The following UTRN variants were observed in gnomAD, a reference collection of about 807,000 sequenced individuals.
UTRN encodes the protein dystrophin-related protein 1.
Under a neutral mutation model 463.9 loss-of-function variants are expected in UTRN, and 283 were observed. The observed-to-expected ratio is 0.61, with a 90% CI of 0.55 to 0.67. The LOEUF (loss-of-function observed/expected upper bound fraction) is 0.67. Among genes scored for constraint, UTRN ranks in the 30% least tolerant of loss-of-function variants. UTRN has a pLI of 0.00. For missense variants in UTRN, 3,922 were observed against 4,084.3 expected (o/e 0.96, Z 1.08); for synonymous variants, 1,442 against 1,431.5 (o/e 1.01, Z -0.17).
chr6:144,741,138 T>C (rs1307492121), intron 54 of UTRN, among the ~76,000 whole-genome samples: 2 of 152,228 alleles, frequency 1.3e-5, no homozygotes, highest in Non-Finnish European at 2.9e-5. Context: ...AGTATAATCC[T>C]AGCAAAGGCA....
At chr6:144,736,006 A>T (rs1213294235) in intron 54 of UTRN, among the ~76,000 whole-genome samples, 1 of 151,812 alleles carries the variant, frequency 6.6e-6, no homozygotes, top group East Asian at 1.9e-4. Flanking sequence ...ATTTGGGGGG[A>T]CAAGAAAAAA....
At chr6:144,473,373 A>G (rs1790861807) in intron 23 of UTRN, among the ~76,000 whole-genome samples, 1 of 152,204 alleles carries the variant, frequency 6.6e-6, no homozygotes, top group Non-Finnish European at 1.5e-5. Context: ...AAATTGTTCT[A>G]AATTATATCA....
chr6:144,395,464 C>T (rs1434397757), intron 2 of UTRN, among the ~76,000 whole-genome samples: 1 of 150,384 alleles, frequency 6.6e-6, no homozygotes, highest in African/African-American at 2.5e-5. Flanking sequence ...TGTCGGATGC[C>T]TGTAAATCTT....
chr6:144,555,658 T>G, intron 49 of UTRN, among the ~76,000 whole-genome samples: 1 of 152,200 alleles, frequency 6.6e-6, no homozygotes, highest in Admixed American at 6.5e-5. Context: ...CTGCAATTCC[T>G]GAGCTCAAGT....
intron 61 of UTRN, among the ~76,000 whole-genome samples, chr6:144,788,332 G>A (rs1291781715): frequency 6.6e-6 from 1 of 152,020 alleles, no homozygotes; most frequent in Non-Finnish European, 1.5e-5. Context: ...CTTATAATTT[G>A]CTGAATACTT....
intron 41 of UTRN, among the ~76,000 whole-genome samples, chr6:144,530,132 A>G (rs1024797923): frequency 6.6e-6 from 1 of 152,208 alleles, no homozygotes; most frequent in African/African-American, 2.4e-5. Flanking sequence ...GGCAGCCGTT[A>G]TAAGATAACA....
At chr6:144,595,988 A>G (rs1274347865) in intron 51 of UTRN, among the ~76,000 whole-genome samples, 3 of 152,132 alleles carry the variant, frequency 2.0e-5, no homozygotes, top group Non-Finnish European at 4.4e-5. Flanking sequence ...AAAGGGGAAC[A>G]TTTGCTCTAT....
chr6:144,660,033 A>G (rs778938567), intron 51 of UTRN: 68 of 350,686 alleles, frequency 1.9e-4, no homozygotes, highest in Admixed American at 4.9e-4. Context: ...ACGGACCCAC[A>G]GTGGGGTGGC....
At chr6:144,425,626 A>G (rs1785231108) in intron 6 of UTRN, among the ~76,000 whole-genome samples, 1 of 151,908 alleles carries the variant, frequency 6.6e-6, no homozygotes, top group South Asian at 2.1e-4. Context: ...CTCTCTCTCC[A>G]TTCATTTATT....
At chr6:144,532,924 A>G (rs1797194656) in intron 42 of UTRN, among the ~76,000 whole-genome samples, 161 bp from the exon 43 acceptor site, 1 of 152,236 alleles carries the variant, frequency 6.6e-6, no homozygotes, top group African/African-American at 2.4e-5. Flanking sequence ...TTGAAATGTA[A>G]TTAAATTGTT....
intron 9 of UTRN, among the ~76,000 whole-genome samples, chr6:144,430,414 A>G (rs1785696452): frequency 6.6e-6 from 1 of 152,182 alleles, no homozygotes; most frequent in African/African-American, 2.4e-5. Flanking sequence ...AGATGAGAGA[A>G]TCTTAAGAAT....
intron 43 of UTRN, 138 bp downstream of exon 43, chr6:144,533,398 C>A: frequency 7.2e-7 from 1 of 1,391,238 alleles, no homozygotes; most frequent in Non-Finnish European, 9.5e-7. Context: ...CTCCACTGCC[C>A]ACGTTCTCCC....
At chr6:144,469,675 C>T (rs1164254241) in intron 23 of UTRN, among the ~76,000 whole-genome samples, 1 of 150,090 alleles carries the variant, frequency 6.7e-6, no homozygotes, top group Non-Finnish European at 1.5e-5. Context: ...ATCCATTGGC[C>T]TACATGGCTT....
chr6:144,776,987 T>C (rs1411049438), intron 60 of UTRN, among the ~76,000 whole-genome samples: 2 of 152,206 alleles, frequency 1.3e-5, no homozygotes, highest in East Asian at 3.9e-4. Flanking sequence ...ATGACACTTC[T>C]GGTGCTTGGT....
At chr6:144,675,852 T>C (rs1024543890) in intron 51 of UTRN, among the ~76,000 whole-genome samples, 1 of 152,218 alleles carries the variant, frequency 6.6e-6, no homozygotes, top group Non-Finnish European at 1.5e-5. Flanking sequence ...CTCCAGACGC[T>C]GTTCTGTCTG....
intron 54 of UTRN, among the ~76,000 whole-genome samples, chr6:144,731,596 A>G (rs1002249935): frequency 1.3e-5 from 2 of 152,162 alleles, no homozygotes; most frequent in Non-Finnish European, 2.9e-5. Context: ...AATCTTACTC[A>G]AGGAACCTTC....
chr6:144,839,120 C>A, intron 71 of UTRN, 53 bp from the exon 72 acceptor site: 1 of 1,417,832 alleles, frequency 7.1e-7, no homozygotes, highest in Non-Finnish European at 9.9e-7. Flanking sequence ...AAATGTTTTT[C>A]CTTATGATTA....
At chr6:144,328,662 T>C (rs1776133059) in intron 2 of UTRN, among the ~76,000 whole-genome samples, 2 of 152,212 alleles carry the variant, frequency 1.3e-5, no homozygotes, top group Admixed American at 1.3e-4. Context: ...AATATAATTG[T>C]TTCTTGGTGC....
chr6:144,310,553 A>AG (rs11396358), intron 2 of UTRN, among the ~76,000 whole-genome samples: 5 of 143,072 alleles, frequency 3.5e-5, no homozygotes, highest in Admixed American at 1.4e-4. Flanking sequence ...AAAAAAAAAA[A>AG]TGGCTGGGCA....
Sources: allele counts gnomAD v4.1 joint callset (sites outside exome capture counted in the v4.1 genomes callset), GRCh38; gene constraint gnomAD v4.1.1; transcripts MANE v1.5; gene names NCBI Gene and HGNC (gene_info 2026-07-23, HGNC 2026-07-21).